CRPPA: variants seen among roughly 807,000 people sequenced by gnomAD.
CRPPA encodes the protein CDP-L-ribitol pyrophosphorylase A.
In CRPPA, 43 loss-of-function variants were observed where a neutral mutation model predicts 52.0. The ratio of observed to expected loss-of-function variants is 0.83; its 90% CI spans 0.65 to 1.07. The LOEUF (loss-of-function observed/expected upper bound fraction) is 1.07. CRPPA is among the 50% of genes least tolerant of loss of function. The pLI is 0.00. For synonymous variants in CRPPA, 250 were observed against 203.5 expected (o/e 1.23, Z -1.94); for missense variants, 629 against 551.7 (o/e 1.14, Z -1.40).
chr7:16,166,579 C>T (rs1428419012), intron 9 of CRPPA, among the ~76,000 whole-genome samples: 1 of 152,192 alleles, frequency 6.6e-6, no homozygotes, highest in Non-Finnish European at 1.5e-5. Context: ...CACACCTGGC[C>T]AGCCTAAACT....
intron 2 of CRPPA, among the ~76,000 whole-genome samples, chr7:16,379,265 A>T (rs112002841): frequency 0.02 from 3,040 of 152,258 alleles, 43 homozygotes; most frequent in South Asian, 0.066. Context: ...TCTTTAATCC[A>T]TCTTGAATTA....
chr7:16,212,049 C>T (rs1398959420), intron 9 of CRPPA, among the ~76,000 whole-genome samples: 2 of 151,932 alleles, frequency 1.3e-5, no homozygotes, highest in Non-Finnish European at 2.9e-5. Flanking sequence ...AAATCTTTTA[C>T]AAATTTTTTT....
At chr7:16,403,967 T>TA (rs753537013) in intron 2 of CRPPA, among the ~76,000 whole-genome samples, 15 of 152,160 alleles carry the variant, frequency 9.9e-5, no homozygotes, top group Non-Finnish European at 1.6e-4. Flanking sequence ...GACTCCACCA[T>TA]AAAAAAGCCA....
At chr7:16,159,199 C>A (rs894994359) in intron 9 of CRPPA, among the ~76,000 whole-genome samples, 3 of 152,024 alleles carry the variant, frequency 2.0e-5, no homozygotes, top group African/African-American at 7.2e-5. Context: ...GGCAGATCAC[C>A]TAAGGTCAGG....
At chr7:16,360,412 G>C (rs1265685430) in intron 3 of CRPPA, among the ~76,000 whole-genome samples, 4 of 152,020 alleles carry the variant, frequency 2.6e-5, no homozygotes, top group Admixed American at 2.6e-4. Flanking sequence ...AATAACCAAA[G>C]CAATCTTGAA....
At chr7:16,357,604 T>C (rs537816391) in intron 3 of CRPPA, among the ~76,000 whole-genome samples, 4 of 152,272 alleles carry the variant, frequency 2.6e-5, no homozygotes, top group African/African-American at 4.8e-5. Flanking sequence ...GACAAAAAGA[T>C]AGTAGCTGTC....
chr7:16,110,803 C>T (rs1782246363), intron 9 of CRPPA, among the ~76,000 whole-genome samples: 1 of 151,896 alleles, frequency 6.6e-6, no homozygotes, highest in African/African-American at 2.4e-5. Flanking sequence ...ACTTGAAATG[C>T]ACTAAAGACT....
chr7:16,091,937 G>C, intron 9 of CRPPA, 138 bp from the exon 10 acceptor site: 1 of 487,078 alleles, frequency 2.1e-6, no homozygotes, highest in Non-Finnish European at 3.6e-6. Flanking sequence ...CACTGTCATG[G>C]ACACGGTTCC....
At chr7:16,206,875 T>C (rs1781986885) in intron 9 of CRPPA, among the ~76,000 whole-genome samples, 1 of 152,156 alleles carries the variant, frequency 6.6e-6, no homozygotes, top group Admixed American at 6.6e-5. Context: ...CATTAGCACA[T>C]TGTCACTTTC....
At chr7:16,359,402 C>A (rs947835539) in intron 3 of CRPPA, among the ~76,000 whole-genome samples, 2 of 152,210 alleles carry the variant, frequency 1.3e-5, no homozygotes, top group African/African-American at 4.8e-5. Flanking sequence ...TGGTAGTCAA[C>A]AGTTGTCATC....
chr7:16,219,236 G>C (rs904029867), intron 8 of CRPPA, among the ~76,000 whole-genome samples: 5 of 151,182 alleles, frequency 3.3e-5, no homozygotes, highest in African/African-American at 4.9e-5. Flanking sequence ...GATGTTCTTT[G>C]AAATCAATGA....
chr7:16,116,890 G>C (rs1041968822), intron 9 of CRPPA, among the ~76,000 whole-genome samples: 1 of 152,154 alleles, frequency 6.6e-6, no homozygotes, highest in Non-Finnish European at 1.5e-5. Flanking sequence ...TTAACCACCT[G>C]ACAGGGACTC....
At chr7:16,400,477 T>G (rs900415763) in intron 2 of CRPPA, among the ~76,000 whole-genome samples, 11 of 152,178 alleles carry the variant, frequency 7.2e-5, no homozygotes, top group African/African-American at 2.4e-4. Context: ...GACACCTGAT[T>G]GACCCATGAC....
intron 9 of CRPPA, among the ~76,000 whole-genome samples, chr7:16,174,501 C>T (rs1457154983): frequency 6.6e-6 from 1 of 152,050 alleles, no homozygotes; most frequent in Non-Finnish European, 1.5e-5. Flanking sequence ...AGTTTGCTGA[C>T]CCATGCAAAA....
chr7:16,353,162 T>C (rs1023284007), intron 3 of CRPPA, among the ~76,000 whole-genome samples: 1 of 151,480 alleles, frequency 6.6e-6, no homozygotes. Context: ...TCGAGACCAG[T>C]CTGGACAATA....
At chr7:16,408,650 C>G (rs1788011788) in intron 1 of CRPPA, among the ~76,000 whole-genome samples, 1 of 152,178 alleles carries the variant, frequency 6.6e-6, no homozygotes, top group African/African-American at 2.4e-5. Context: ...TAATAATGAA[C>G]CCAGAAAGAT....
intron 9 of CRPPA, among the ~76,000 whole-genome samples, chr7:16,209,819 C>T (rs1256101099): frequency 1.3e-5 from 2 of 152,038 alleles, no homozygotes; most frequent in Admixed American, 6.6e-5. Flanking sequence ...AAGCATATGG[C>T]CATTTTATAA....
At chr7:16,369,765 A>AT (rs200211746) in intron 3 of CRPPA, among the ~76,000 whole-genome samples, 33 of 151,822 alleles carry the variant, frequency 2.2e-4, no homozygotes, top group African/African-American at 5.6e-4. Context: ...TCACATTGTG[A>AT]TTTTTTTTTC....
intron 5 of CRPPA, among the ~76,000 whole-genome samples, chr7:16,286,464 A>G (rs534558713): frequency 6.6e-6 from 1 of 152,168 alleles, no homozygotes; most frequent in East Asian, 1.9e-4. Flanking sequence ...ATGTCTAAGC[A>G]TTCTTCACCA....
Sources: allele counts gnomAD v4.1 joint callset (sites outside exome capture counted in the v4.1 genomes callset), GRCh38; gene constraint gnomAD v4.1.1; transcripts MANE v1.5; gene names NCBI Gene and HGNC (gene_info 2026-07-23, HGNC 2026-07-21).